CADM1: variants seen among roughly 807,000 people sequenced by gnomAD.
CADM1 encodes the protein cell adhesion molecule 1, also known as TSLC-1.
In CADM1, 15 loss-of-function variants were observed where a neutral mutation model predicts 53.1. That is an observed-to-expected ratio of 0.28 (90% CI 0.19 to 0.44). CADM1 has a LOEUF of 0.44. Among genes scored for constraint, CADM1 ranks in the 20% least tolerant of loss-of-function variants. The pLI is 1.00. For missense variants in CADM1, 434 were observed against 611.3 expected, an observed-to-expected ratio of 0.71 and a Z score of 3.06; for synonymous variants, 281 against 243.0, an observed-to-expected ratio of 1.16 and a Z score of -1.45.
At position 115,175,115 on chromosome 11, in the gene CADM1, T is replaced by C; in HGVS notation, c.*1359A>G. ...AGGTAAAAAGATAAAAACACTCACA[T>C]TTGAGTTTTGATTAAGTAACTGAAA... On this transcript the variant is annotated 3_prime_UTR_variant, in exon 12 of 12. Transcript: ENST00000331581. The C allele has an allele frequency of 1.0e-6, 1 of 985,808 alleles. No individual in the cohort carries two copies. The allele number at this position is 985,808 out of a possible 1,614,324, so 61.1% of individuals were successfully genotyped here.
intron 9 of CADM1, among the ~76,000 whole-genome samples, chr11:115,195,007 C>A: frequency 6.6e-6 from 1 of 152,160 alleles, no homozygotes; most frequent in East Asian, 1.9e-4. Context: ...TTTTGCATTG[C>A]TCAACATGCA....
intron 1 of CADM1, among the ~76,000 whole-genome samples, chr11:115,259,959 TG>T (rs1200843719): frequency 1.3e-5 from 2 of 152,224 alleles, no homozygotes; most frequent in African/African-American, 2.4e-5. Flanking sequence ...AGCGTCTCAC[TG>T]GGTCACCCCA....
chr11:115,231,648 C>T (rs902227693), intron 3 of CADM1, among the ~76,000 whole-genome samples, 158 bp from the exon 4 acceptor site: 10 of 152,092 alleles, frequency 6.6e-5, no homozygotes, highest in African/African-American at 1.9e-4. Context: ...GTGAGTTATG[C>T]AAAATCAGTT....
intron 1 of CADM1, among the ~76,000 whole-genome samples, chr11:115,455,963 C>T (rs1045518163): frequency 6.6e-6 from 1 of 152,140 alleles, no homozygotes; most frequent in Non-Finnish European, 1.5e-5. Context: ...TGCTGAACAT[C>T]CTACAACTGG....
In CADM1 at chr11:115,438,593, T is replaced by G. The variant is rs188089309; in HGVS notation, c.124+65678A>C. The stretch of plus-strand genomic sequence containing the variant: ...CTTATTTTCATAGCTCTAGAAAAAT[T>G]TATAGGCAAGTGCCACTCACAAATG... On this transcript the variant is annotated intron_variant, in intron 1 of 11. Coordinates refer to ENST00000331581, the MANE Select transcript of CADM1 (RefSeq NM_001301043.2). Among the ~76,000 whole-genome samples the G allele has an allele frequency of 1.8e-3, 270 of 152,258 alleles. 2 individuals carry two copies. The highest frequency in any genetic ancestry group is 4.2e-4 in the South Asian group (2 of 4,814).
chr11:115,244,671 C>A (rs533062246), intron 1 of CADM1, among the ~76,000 whole-genome samples: 6 of 152,238 alleles, frequency 3.9e-5, no homozygotes, highest in Non-Finnish European at 8.8e-5. Flanking sequence ...ACAGCTTGCA[C>A]TCTTTACCAG....
At chr11:115,207,507 C>A (rs1022605828) in intron 8 of CADM1, among the ~76,000 whole-genome samples, 17 of 150,856 alleles carry the variant, frequency 1.1e-4, no homozygotes, top group Admixed American at 5.9e-4. Flanking sequence ...GGATTAAGAG[C>A]TGTGAACTGA....
At chr11:115,253,345 A>T (rs1024598119) in intron 1 of CADM1, among the ~76,000 whole-genome samples, 25 of 152,088 alleles carry the variant, frequency 1.6e-4, no homozygotes, top group African/African-American at 4.8e-5. Flanking sequence ...GCTATCAGGT[A>T]TTGAGACCTT....
intron 7 of CADM1, among the ~76,000 whole-genome samples, chr11:115,211,475 CTTTTT>C (rs1224649182): frequency 1.1e-5 from 1 of 92,260 alleles, no homozygotes; most frequent in African/African-American, 4.3e-5. Context: ...AATCCTATTT[CTTTTT>C]TTTTTTTTTT....
intron 1 of CADM1, among the ~76,000 whole-genome samples, chr11:115,447,911 G>C (rs919686513): frequency 2.0e-5 from 3 of 152,088 alleles, no homozygotes. Context: ...TCTTTCTTAG[G>C]TGCTCTTTCT....
At chr11:115,481,075 A>T (rs1949248128) in intron 1 of CADM1, among the ~76,000 whole-genome samples, 1 of 151,784 alleles carries the variant, frequency 6.6e-6, no homozygotes. Context: ...AAAAATACAT[A>T]CTTTAAAATT....
intron 1 of CADM1, among the ~76,000 whole-genome samples, chr11:115,383,123 G>T (rs574638988): frequency 6.6e-6 from 1 of 152,226 alleles, no homozygotes; most frequent in Admixed American, 6.5e-5. Flanking sequence ...CTTCCTGCAT[G>T]ATTCTTCTAT....
chr11:115,304,053 C>A (rs1944301737), intron 1 of CADM1, among the ~76,000 whole-genome samples: 1 of 151,976 alleles, frequency 6.6e-6, no homozygotes, highest in South Asian at 2.1e-4. Flanking sequence ...AGGAAAGTGA[C>A]CAAATCTACA....
chr11:115,303,366 T>C (rs1476450457), intron 1 of CADM1, among the ~76,000 whole-genome samples: 2 of 152,054 alleles, frequency 1.3e-5, no homozygotes, highest in South Asian at 2.1e-4. Context: ...CCACAGATCA[T>C]ATAATGTGTT....
At chr11:115,399,229 C>T (rs920181121) in intron 1 of CADM1, 1 of 152,180 alleles carries the variant, frequency 6.6e-6, no homozygotes, top group African/African-American at 2.4e-5. Context: ...AAAATCCAGT[C>T]TTCTTGAAAG....
At chr11:115,348,768 G>A (rs1196270989) in intron 1 of CADM1, among the ~76,000 whole-genome samples, 1 of 152,076 alleles carries the variant, frequency 6.6e-6, no homozygotes, top group Non-Finnish European at 1.5e-5. Flanking sequence ...CACTGCTCTT[G>A]AGGTGCTTAT....
intron 1 of CADM1, among the ~76,000 whole-genome samples, chr11:115,444,896 C>T (rs1948414592): frequency 6.6e-6 from 1 of 152,130 alleles, no homozygotes; most frequent in Non-Finnish European, 1.5e-5. Flanking sequence ...ATGTACAAAG[C>T]TAAAGTTTGT....
chr11:115,412,154 A>G (rs1487019893), intron 1 of CADM1, among the ~76,000 whole-genome samples: 1 of 152,198 alleles, frequency 6.6e-6, no homozygotes, highest in Non-Finnish European at 1.5e-5. Context: ...CTGCTTTTAT[A>G]AACAGCTTTA....
intron 1 of CADM1, among the ~76,000 whole-genome samples, chr11:115,290,757 A>T (rs1260304261): frequency 2.0e-5 from 3 of 152,226 alleles, no homozygotes; most frequent in Admixed American, 2.0e-4. Context: ...AGTGGAGAGG[A>T]AGAGAAATTT....
Sources: gnomAD v4.1 joint callset for allele counts (sites outside exome capture counted in the v4.1 genomes callset) on GRCh38, gnomAD v4.1.1 for gene constraint, MANE v1.5 for transcripts, NCBI Gene and HGNC (gene_info 2026-07-23, HGNC 2026-07-21) for gene names.